ZNF43: variants seen among roughly 807,000 people sequenced by gnomAD.
ZNF43 encodes the protein zinc finger protein 43.
A neutral mutation model predicts 68.4 loss-of-function variants in ZNF43; 44 were observed. The observed-to-expected ratio is 0.64, with a 90% confidence interval of 0.51 to 0.83. The LOEUF (loss-of-function observed/expected upper bound fraction) is 0.83. Ranked by LOEUF, ZNF43 falls within the 40% of genes least tolerant of loss-of-function variation. ZNF43 has a pLI of 0.00. For synonymous variants in ZNF43, 308 were observed against 307.8 expected (o/e 1.00, Z -0.01); for missense variants, 896 against 933.2 (o/e 0.96, Z 0.52).
upstream of ZNF43, chr19:21,836,229 G>T (rs1028403765): frequency 5.6e-6 from 8 of 1,417,834 alleles, no homozygotes; most frequent in African/African-American, 8.8e-5. Context: ...CTCCTGCCCC[G>T]TGCCTGATTG....
chr19:21,829,925 T>C (rs1463074715), intron 1 of ZNF43, among the ~76,000 whole-genome samples: 2 of 152,006 alleles, frequency 1.3e-5, no homozygotes, highest in Non-Finnish European at 2.9e-5. Flanking sequence ...GAAAATCAGA[T>C]CTGAACTGGA....
In ZNF43 at chr19:21,809,905, A is replaced by G. The variant is rs2037197197; in HGVS notation, c.230-98T>C. 1.3e-5 allele frequency: 15 copies of G among 1,195,846 alleles called. 1 individual carries two copies. The South Asian group carries it at 2.9e-4, about 23-fold the overall frequency. The allele number at this position is 1,195,846 out of a possible 1,614,324, so 74.1% of individuals were successfully genotyped here. A position where few individuals can be genotyped will look rare whatever the true frequency, so the allele number is the denominator to read the frequency against. On this transcript the variant is annotated intron_variant, in intron 3 of 3. Transcript: ENST00000354959. ...AAATCACACAAGCTACATAAGCAAG[A>G]TGTCATAGAAAAATACCACAGGCCC...
chr19:21,809,494 T>C lies in ZNF43; in HGVS notation c.543A>G (p.Lys181=). Residue 181 remains lysine, a synonymous_variant, in exon 4 of 4, where the codon AAA becomes AAG. Coordinates refer to ENST00000354959, the MANE Select transcript of ZNF43 (RefSeq NM_003423.4). ...KKLFKCKECG[K]SFCMLPHLAQ... is the part of the protein sequence containing the mutation. ...CTAGATGTGGAAGCATGCAAAATGA[T>C]TTGCCACATTCTTTGCATTTGAAAA... The C allele has an allele frequency of 6.2e-7, 1 of 1,613,824 alleles. No individual in the cohort carries two copies. The highest frequency in any genetic ancestry group is 8.5e-7 in the Non-Finnish European group (1 of 1,179,840).
At chr19:21,838,195 T>C (rs924371105), upstream of ZNF43, among the ~76,000 whole-genome samples, 1 of 152,188 alleles carries the variant, frequency 6.6e-6, no homozygotes, top group African/African-American at 2.4e-5. Flanking sequence ...TGTAGCTATC[T>C]TATTTAGAAA....
At chr19:21,827,080 T>G (rs2038169236) in intron 1 of ZNF43, 1 of 151,594 alleles carries the variant, frequency 6.6e-6, no homozygotes, top group South Asian at 2.1e-4. Flanking sequence ...CAACCAAAAA[T>G]ACTCCCCTTA....
In ZNF43 at chr19:21,817,967, T is replaced by C. The variant is rs769838744; in HGVS notation, c.150A>G (p.Pro50=). The change falls in exon 3 of 4, where the codon CCA becomes CCG. Residue 50 remains proline (P), a synonymous_variant. Coordinates refer to ENST00000354959, the MANE Select transcript of ZNF43 (RefSeq NM_003423.4). ...CTTGCTCCAGACAGGTGATCAGGTC[T>C]GGCTTAGAGACAGCAATACCTGTTT... ...LVFLGIAVSK[P]DLITCLEQEK... is the part of the protein sequence containing the mutation. The C allele has an allele frequency of 9.9e-6, 16 of 1,613,220 alleles. No homozygotes were observed. Among genetic ancestry groups the C allele is most frequent in the Middle Eastern group, 1.6e-4 (1 of 6,072 alleles).
At chr19:21,836,184 A>C, upstream of ZNF43, 1 of 1,516,848 alleles carries the variant, frequency 6.6e-7, no homozygotes. Context: ...GCCAGAGACA[A>C]AGGCCCCGCC....
chr19:21,833,696 C>A, intron 1 of ZNF43, among the ~76,000 whole-genome samples: 1 of 151,972 alleles, frequency 6.6e-6, no homozygotes, highest in Admixed American at 6.6e-5. Context: ...AAATCACCCA[C>A]ATTTTTCGAA....
intron 1 of ZNF43, among the ~76,000 whole-genome samples, chr19:21,846,202 G>T (rs528944711): frequency 1.3e-5 from 2 of 152,298 alleles, no homozygotes; most frequent in African/African-American, 4.8e-5. Context: ...AGTGGGCAGG[G>T]TCTAGCTATG....
chr19:21,831,884 G>C (rs2038441645), intron 1 of ZNF43, among the ~76,000 whole-genome samples: 1 of 152,126 alleles, frequency 6.6e-6, no homozygotes, highest in African/African-American at 2.4e-5. Context: ...CAAAAAGTAA[G>C]AGATGATACA....
intron 1 of ZNF43, chr19:21,843,221 T>C (rs757587294): frequency 1.3e-5 from 3 of 229,928 alleles, no homozygotes; most frequent in Non-Finnish European, 1.4e-5. Flanking sequence ...TCACATGATC[T>C]ACATGCTGGG....
At position 21,836,163 on chromosome 19, in the gene ZNF43, C is replaced by T. The variant is rs550701063; in HGVS notation, c.-125G>A. 1.5e-5 allele frequency: 23 copies of T among 1,564,612 alleles called. No homozygotes were observed. Among genetic ancestry groups the T allele is most frequent in the African/African-American group, 2.7e-5 (2 of 73,702 alleles). On this transcript the variant is annotated 5_prime_UTR_variant, in exon 1 of 4. Coordinates refer to ENST00000354959, the MANE Select transcript of ZNF43 (RefSeq NM_003423.4). ...AGAAGAACGAAGACGAGACGCAGAG[C>T]TCCAACTGCAGCCAGAGACAAAGGC...
At chr19:21,811,046 T>G (rs1487500936) in intron 3 of ZNF43, among the ~76,000 whole-genome samples, 1 of 152,164 alleles carries the variant, frequency 6.6e-6, no homozygotes, top group Admixed American at 6.5e-5. Flanking sequence ...AAAGCAAAAC[T>G]GGCAAATCCA....
chr19:21,830,366 A>C (rs1211581848), intron 1 of ZNF43, among the ~76,000 whole-genome samples: 1 of 152,042 alleles, frequency 6.6e-6, no homozygotes, highest in Non-Finnish European at 1.5e-5. Context: ...TAAGATAAAT[A>C]GCACTCTAGA....
At position 21,808,643 on chromosome 19, in the gene ZNF43, T is replaced by G; in HGVS notation, c.1394A>C (p.Gln465Pro). 6.2e-7 allele frequency: 1 copy of G among 1,613,452 alleles called. No individual in the cohort carries two copies. The highest frequency in any genetic ancestry group is 8.5e-7 in the Non-Finnish European group (1 of 1,179,822). Residue 465 changes from glutamine to proline, a missense_variant, in exon 4 of 4, where the codon CAG becomes CCG. By Grantham distance (76) the Gln-to-Pro change is moderately conservative. Transcript: ENST00000354959. ...CTTATGTGTAGTAAGGTTTGAGAACTGGTTAAAGGCTTTGCCACATACTTC... is the reference window on the plus strand; with the variant it reads ...CTTATGTGTAGTAAGGTTTGAGAACGGGTTAAAGGCTTTGCCACATACTTC... The part of the protein sequence containing the change: ...KCEVCGKAFN[Q>P]FSNLTTHKRI...
Position 21,819,200 on chromosome 19 carries a change from C to T in ZNF43, c.25G>A (p.Val9Met), listed in dbSNP as rs1599474711. ...TCCTCCAGACAGAATTCTATGGCCA[C>T]ATCCATAAATGTCAATGGTCCCTAA... MGPLTFMD[V>M]AIEFCLEEWQ... Residue 9 changes from valine to methionine, a missense_variant, in exon 2 of 4, where the codon GTG becomes ATG. Coordinates refer to ENST00000354959, the MANE Select transcript of ZNF43 (RefSeq NM_003423.4). 2 of 1,602,772 alleles carry T rather than the reference C, an allele frequency of 1.2e-6. No homozygotes were observed. Among genetic ancestry groups the T allele is most frequent in the Non-Finnish European group, 1.7e-6 (2 of 1,176,676 alleles).
At chr19:21,824,732 T>TAAAAAAAAAAAAAAAAAA (rs34739856) in intron 1 of ZNF43, among the ~76,000 whole-genome samples, 9 of 107,212 alleles carry the variant, frequency 8.4e-5, no homozygotes, top group Admixed American at 2.1e-4. Flanking sequence ...TATGTTTACC[T>TAAAAAAAAAAAAAAAAAA]AAAAAAAAAA....
chr19:21,835,946 G>A (rs2038702626), intron 1 of ZNF43, 90 bp downstream of exon 1: 12 of 1,602,206 alleles, frequency 7.5e-6, no homozygotes, highest in Non-Finnish European at 1.0e-5. Context: ...AAGAACTCCG[G>A]CACGCGCAGA....
rs1568346847 is a variant in ZNF43, at chr19:21,809,414, CCACATTTTT to C, written c.614_622del (p.Glu205_Cys207del). 1.2e-6 allele frequency: 2 copies of C among 1,613,566 alleles called. No homozygotes were observed. Among genetic ancestry groups the C allele is most frequent in the South Asian group, 2.2e-5 (2 of 91,030 alleles). Reference sequence around the variant, plus strand: ...GATTGAAGGGCAGTTAAAAGCTTTTCCACATTTTTCACATTTGCAGAAATTCACTCTGGT... The same window carrying C: ...GATTGAAGGGCAGTTAAAAGCTTTTCCACATTTGCAGAAATTCACTCTGGT... On this transcript the variant is annotated inframe_deletion, in exon 4 of 4. Transcript: ENST00000354959.
Sources: allele counts gnomAD v4.1 joint callset (sites outside exome capture counted in the v4.1 genomes callset), GRCh38; gene constraint gnomAD v4.1.1; transcripts MANE v1.5; gene names NCBI Gene and HGNC (gene_info 2026-07-23, HGNC 2026-07-21).